Variants in LSAMP observed in about 807,000 individuals in gnomAD.
LSAMP encodes the protein limbic system associated membrane protein, also known as limbic system-associated membrane protein.
LSAMP carries 7 observed loss-of-function variants against 38.6 expected under a neutral mutation model. The ratio of observed to expected loss-of-function variants is 0.18; its 90% confidence interval spans 0.10 to 0.34. LSAMP has a LOEUF of 0.34. Among genes scored for constraint, LSAMP ranks in the 10% least tolerant of loss-of-function variants. The probability of loss-of-function intolerance (pLI) is 1.00; values close to 1 mark genes in which losing one functional copy is unlikely to be tolerated. For synonymous variants in LSAMP, 154 were observed against 166.8 expected, an observed-to-expected ratio of 0.92 and a Z score of 0.59; for missense variants, 313 against 420.0, an observed-to-expected ratio of 0.75 and a Z score of 2.23.
chr3:116,068,593 C>G (rs1471238336), intron 2 of LSAMP, among the ~76,000 whole-genome samples: 1 of 152,076 alleles, frequency 6.6e-6, no homozygotes, highest in Non-Finnish European at 1.5e-5. Context: ...ATTGCTGTTT[C>G]AAAGATAGAG....
chr3:116,275,802 G>A (rs1379247374), intron 1 of LSAMP, among the ~76,000 whole-genome samples: 2 of 152,068 alleles, frequency 1.3e-5, no homozygotes, highest in African/African-American at 4.8e-5. Context: ...CCCAATTTGA[G>A]ACCTATTCAT....
intron 1 of LSAMP, among the ~76,000 whole-genome samples, chr3:116,308,856 G>A (rs1290809206): frequency 6.6e-6 from 1 of 152,064 alleles, no homozygotes; most frequent in Non-Finnish European, 1.5e-5. Context: ...CAGAAAAGCA[G>A]CACACAAACG....
chr3:116,032,970 T>C (rs1940962804), intron 2 of LSAMP, among the ~76,000 whole-genome samples: 1 of 152,172 alleles, frequency 6.6e-6, no homozygotes, highest in South Asian at 2.1e-4. Context: ...TGCCACTGAT[T>C]GCGTAGAAGC....
In LSAMP at chr3:115,856,158, A is replaced by G. The variant is rs114484168; in HGVS notation, c.515-3541T>C. On this transcript the variant is annotated intron_variant, in intron 3 of 6. Transcript: ENST00000490035. ...GTTTGGCTCAGATTAGTCACTCCAT[A>G]AATGTTTGTTGAGTTAGCTTGCTAC... Among the ~76,000 whole-genome samples the G allele has an allele frequency of 4.9e-3, 744 of 151,476 alleles. 5 individuals carry two copies. Among genetic ancestry groups the G allele is most frequent in the African/African-American group, 0.016 (660 of 41,510 alleles).
chr3:116,223,350 C>T (rs1240948650), intron 1 of LSAMP, among the ~76,000 whole-genome samples: 1 of 152,070 alleles, frequency 6.6e-6, no homozygotes, highest in Non-Finnish European at 1.5e-5. Context: ...TTACACTATA[C>T]CAGGAACTGT....
At chr3:116,219,529 G>A (rs550393583) in intron 1 of LSAMP, among the ~76,000 whole-genome samples, 46 of 151,884 alleles carry the variant, frequency 3.0e-4, no homozygotes, top group African/African-American at 5.8e-4. Flanking sequence ...AATTACCTCC[G>A]TACTGGTTTT....
chr3:115,927,452 C>T (rs1937516612), intron 3 of LSAMP, among the ~76,000 whole-genome samples: 1 of 152,214 alleles, frequency 6.6e-6, no homozygotes, highest in African/African-American at 2.4e-5. Flanking sequence ...GCCTCCCACA[C>T]ACAGCAGCTT....
chr3:116,051,959 T>C (rs1435194698), intron 2 of LSAMP, among the ~76,000 whole-genome samples: 1 of 152,216 alleles, frequency 6.6e-6, no homozygotes, highest in African/African-American at 2.4e-5. Context: ...TATTATTCTT[T>C]AAATGTTGAG....
intron 2 of LSAMP, among the ~76,000 whole-genome samples, chr3:116,065,324 A>C (rs1399722106): frequency 6.6e-6 from 1 of 152,244 alleles, no homozygotes; most frequent in East Asian, 1.9e-4. Context: ...GATATTTATC[A>C]TTTCATCAGA....
intron 1 of LSAMP, among the ~76,000 whole-genome samples, chr3:116,444,624 C>A (rs949180627): frequency 6.6e-6 from 1 of 151,810 alleles, no homozygotes; most frequent in Non-Finnish European, 1.5e-5. Flanking sequence ...AAGAACCGAA[C>A]AACATTTAAC....
chr3:116,138,873 C>T (rs992953600), intron 1 of LSAMP, among the ~76,000 whole-genome samples: 1 of 149,508 alleles, frequency 6.7e-6, no homozygotes, highest in Non-Finnish European at 1.5e-5. Flanking sequence ...AATTCATTGG[C>T]AGGTGGCAGC....
chr3:116,046,404 G>GAA (rs202168544), intron 2 of LSAMP, among the ~76,000 whole-genome samples: 1 of 149,232 alleles, frequency 6.7e-6, no homozygotes, highest in African/African-American at 2.5e-5. Context: ...AAAGAAACAG[G>GAA]AAAAAAAAAA....
chr3:116,253,869 C>T (rs895816626), intron 1 of LSAMP, among the ~76,000 whole-genome samples: 2 of 152,198 alleles, frequency 1.3e-5, no homozygotes, highest in South Asian at 2.1e-4. Context: ...CATGCAAGCT[C>T]ATTCTCATTT....
intron 1 of LSAMP, among the ~76,000 whole-genome samples, chr3:116,326,276 G>T (rs2047771238): frequency 6.6e-6 from 1 of 151,966 alleles, no homozygotes; most frequent in African/African-American, 2.4e-5. Flanking sequence ...ACTTTCATCA[G>T]GATTTAATCC....
intron 1 of LSAMP, among the ~76,000 whole-genome samples, chr3:116,255,585 A>G (rs983938831): frequency 2.6e-5 from 4 of 152,214 alleles, no homozygotes; most frequent in Admixed American, 2.6e-4. Flanking sequence ...GTGGAAGCCA[A>G]TTTAATCTTT....
chr3:115,812,827 C>A (rs1195628621), intron 6 of LSAMP, among the ~76,000 whole-genome samples: 1 of 152,128 alleles, frequency 6.6e-6, no homozygotes, highest in Non-Finnish European at 1.5e-5. Context: ...TTGTAGACAT[C>A]CTGGAGCTGA....
intron 2 of LSAMP, among the ~76,000 whole-genome samples, chr3:116,040,254 C>T (rs1180941984): frequency 6.6e-6 from 1 of 152,160 alleles, no homozygotes; most frequent in Non-Finnish European, 1.5e-5. Context: ...TATGTTCCCA[C>T]TGCCAGAATG....
At position 115,832,724 on chromosome 3, in the gene LSAMP, C is replaced by T. The variant is rs976756572; in HGVS notation, c.919+9121G>A. Among the ~76,000 whole-genome samples the T allele has an allele frequency of 4.6e-5, 7 of 152,040 alleles. No individual in the cohort carries two copies. The East Asian group carries it at 5.8e-4, about 13-fold the overall frequency. The stretch of plus-strand genomic sequence containing the variant: ...GAACAGCTTTTCAATTTCCACTAGC[C>T]GAAGACCAAAGTATTAGTATAAGAT... On this transcript the variant is annotated intron_variant, in intron 6 of 6. Transcript: ENST00000490035.
At chr3:116,318,788 T>A (rs1401845155) in intron 1 of LSAMP, among the ~76,000 whole-genome samples, 1 of 152,218 alleles carries the variant, frequency 6.6e-6, no homozygotes, top group Non-Finnish European at 1.5e-5. Context: ...AGTTTTTGGA[T>A]GATAAAGCTA....
Sources: gnomAD v4.1 joint callset for allele counts (sites outside exome capture counted in the v4.1 genomes callset) on GRCh38, gnomAD v4.1.1 for gene constraint, MANE v1.5 for transcripts, NCBI Gene and HGNC (gene_info 2026-07-23, HGNC 2026-07-21) for gene names.